The following MAP2K6 variants were observed in gnomAD, a reference collection of about 807,000 sequenced individuals.
The protein encoded by MAP2K6 is mitogen-activated protein kinase kinase 6, also known as dual specificity mitogen-activated protein kinase kinase 6.
In MAP2K6, 16 loss-of-function variants were observed where a neutral mutation model predicts 53.7. The observed-to-expected ratio is 0.30, with a 90% CI of 0.20 to 0.45. MAP2K6 has a LOEUF of 0.45. Among genes scored for constraint, MAP2K6 ranks in the 20% least tolerant of loss-of-function variants. The pLI is 1.00. For missense variants in MAP2K6, 204 were observed against 411.9 expected (o/e 0.50, Z 4.37); for synonymous variants, 132 against 143.1 (o/e 0.92, Z 0.55).
At chr17:69,437,649 A>G (rs1906691501) in intron 1 of MAP2K6, among the ~76,000 whole-genome samples, 1 of 152,202 alleles carries the variant, frequency 6.6e-6, no homozygotes, top group Admixed American at 6.5e-5. Flanking sequence ...TTTATTCACA[A>G]GGTTGTGCAA....
rs373177836 is a variant in MAP2K6 at position 69,494,698 on chromosome 17, G to A, written c.17-11082G>A. 6.6e-6 allele frequency among the ~76,000 whole-genome samples: 1 copy of A among 151,550 alleles called. No homozygotes were observed. Among genetic ancestry groups the A allele is most frequent in the African/African-American group, 2.4e-5 (1 of 41,230 alleles). The stretch of plus-strand genomic sequence containing the variant: ...GGAGTTTCCTTTGGTTAAAAGGGAG[G>A]TGATCAGAGTGCTATTAAAATTGTG... On this transcript the variant is annotated intron_variant, in intron 1 of 11. Coordinates refer to ENST00000590474, the MANE Select transcript of MAP2K6 (RefSeq NM_002758.4). This position sits in a 1 kb window ranked among gnomAD's most constrained non-coding sequence, Gnocchi z 4.2.
At chr17:69,498,629 CCACA>C (rs112844153) in intron 1 of MAP2K6, among the ~76,000 whole-genome samples, 1 of 146,210 alleles carries the variant, frequency 6.8e-6, no homozygotes, top group Non-Finnish European at 1.5e-5. Flanking sequence ...CGCCTGGAAG[CCACA>C]CACACACACC....
chr17:69,501,617 T>A (rs1222570327), intron 1 of MAP2K6: 1 of 152,204 alleles, frequency 6.6e-6, no homozygotes, highest in African/African-American at 2.4e-5. Context: ...ATTACACTAT[T>A]TTCAGAGAAC....
At chr17:69,523,421 A>G (rs1238422394) in intron 7 of MAP2K6, 93 bp from the exon 8 acceptor site, 2 of 1,528,244 alleles carry the variant, frequency 1.3e-6, no homozygotes, top group African/African-American at 2.7e-5. Context: ...AGGAAGATGA[A>G]GGACAAATGG....
intron 11 of MAP2K6, among the ~76,000 whole-genome samples, chr17:69,536,678 T>G (rs1019204028): frequency 6.6e-6 from 1 of 152,226 alleles, no homozygotes; most frequent in South Asian, 2.1e-4. Context: ...TAAATTATAC[T>G]CCCTCAGCAT....
intron 2 of MAP2K6, among the ~76,000 whole-genome samples, chr17:69,516,295 A>G (rs1206399025): frequency 6.6e-6 from 1 of 151,970 alleles, no homozygotes; most frequent in Non-Finnish European, 1.5e-5. Flanking sequence ...TGCACAACAT[A>G]TATCCCTTGT....
In MAP2K6 at chr17:69,494,999, C is replaced by CT. The variant is rs1470156490; in HGVS notation, c.17-10780dup. Among the ~76,000 whole-genome samples the CT allele has an allele frequency of 6.6e-6, 1 of 150,864 alleles. No individual in the cohort carries two copies. The highest frequency in any genetic ancestry group is 1.5e-5 in the Non-Finnish European group (1 of 67,824). On this transcript the variant is annotated intron_variant, in intron 1 of 11. Coordinates refer to ENST00000590474, the MANE Select transcript of MAP2K6 (RefSeq NM_002758.4). This position sits in a 1 kb window ranked among gnomAD's most constrained non-coding sequence, Gnocchi z 4.2. ...CAGCCTGGGCAACAAGAGCGAAACT[C>CT]TGTCTAGAAAAAAAACCAAAAACCA...
At chr17:69,477,921 G>A (rs1908208826) in intron 1 of MAP2K6, among the ~76,000 whole-genome samples, 1 of 152,158 alleles carries the variant, frequency 6.6e-6, no homozygotes, top group Non-Finnish European at 1.5e-5. Context: ...CATAGGAAGA[G>A]GGCATTGGAC....
intron 1 of MAP2K6, among the ~76,000 whole-genome samples, chr17:69,486,189 G>A (rs1908529758): frequency 6.6e-6 from 1 of 152,176 alleles, no homozygotes; most frequent in Non-Finnish European, 1.5e-5. Flanking sequence ...GGTACTTGAA[G>A]CCCAACGACT....
chr17:69,504,632 A>G (rs1909363997), intron 1 of MAP2K6: 2 of 152,368 alleles, frequency 1.3e-5, no homozygotes, highest in East Asian at 3.8e-4. Context: ...TCCCCTGCCA[A>G]GTGCAAAGAG....
At chr17:69,517,726 A>G (rs1910238652) in intron 4 of MAP2K6, 113 bp downstream of exon 4, 14 of 557,492 alleles carry the variant, frequency 2.5e-5, no homozygotes, top group Non-Finnish European at 2.9e-6. Flanking sequence ...AGGGTAAAAC[A>G]GAAAAGATTA....
chr17:69,453,930 G>A (rs1387292608), intron 1 of MAP2K6, among the ~76,000 whole-genome samples: 3 of 152,098 alleles, frequency 2.0e-5, no homozygotes, highest in East Asian at 1.9e-4. Context: ...TGAGAATCAC[G>A]TCCTTGGATT....
rs771857889 is a variant in MAP2K6, at chr17:69,504,282, CT to C, written c.17-1487del. Among the ~76,000 whole-genome samples, 110 of 144,658 alleles carry C rather than the reference CT, an allele frequency of 7.6e-4. No homozygotes were observed. The Middle Eastern group carries it at 0.011, about 14-fold the overall frequency. 94.9% of individuals were successfully genotyped at this position (144,658 alleles called of 152,430 possible). ...AAAGGAGGTAGGATTCTTTTTTTTT[CT>C]TTTTTTTTTTGAGACAGAGTCTTGC... On this transcript the variant is annotated intron_variant, in intron 1 of 11. Transcript: ENST00000590474.
At chr17:69,509,912 G>A (rs1220462952) in intron 2 of MAP2K6, among the ~76,000 whole-genome samples, 1 of 152,058 alleles carries the variant, frequency 6.6e-6, no homozygotes, top group Non-Finnish European at 1.5e-5. Flanking sequence ...TGTGATCATG[G>A]CTCACTGCAG....
intron 1 of MAP2K6, chr17:69,433,861 G>A (rs1189245885): frequency 6.6e-6 from 1 of 152,164 alleles, no homozygotes; most frequent in African/African-American, 2.4e-5. Flanking sequence ...GGGATGTAGG[G>A]GTCACCTAGC....
chr17:69,445,715 T>C (rs1906947139), intron 1 of MAP2K6, among the ~76,000 whole-genome samples: 1 of 152,180 alleles, frequency 6.6e-6, no homozygotes, highest in Admixed American at 6.5e-5. Context: ...TGGGTAACAA[T>C]GAATTGTTTC....
chr17:69,478,571 T>G (rs1229910845), intron 1 of MAP2K6, among the ~76,000 whole-genome samples: 1 of 152,228 alleles, frequency 6.6e-6, no homozygotes, highest in Non-Finnish European at 1.5e-5. Context: ...TAGCTGGGAT[T>G]GCAGGCGACT....
intron 1 of MAP2K6, among the ~76,000 whole-genome samples, chr17:69,490,198 T>C (rs1908689294): frequency 6.6e-6 from 1 of 152,200 alleles, no homozygotes; most frequent in Non-Finnish European, 1.5e-5. Flanking sequence ...TCCTCCAAGA[T>C]GGCGTTGAGT....
rs1912151731 is a variant in MAP2K6, at chr17:69,552,762, A to G, written c.*11009A>G. The G allele has an allele frequency of 6.6e-6, 1 of 152,160 alleles. No individual in the cohort carries two copies. The highest frequency in any genetic ancestry group is 6.5e-5 in the Admixed American group (1 of 15,284). The allele number at this position is 152,160 out of a possible 1,614,324, so 9.4% of individuals were successfully genotyped here. On this transcript the variant is annotated 3_prime_UTR_variant, in exon 12 of 12. Transcript: ENST00000590474. ...TAAAATACCTGTTTTGTGGGACAGCATGCCTTTGTTTTCTTTGCCTGTTGG... is the reference window on the plus strand; with the variant it reads ...TAAAATACCTGTTTTGTGGGACAGCGTGCCTTTGTTTTCTTTGCCTGTTGG...
Sources: gnomAD v4.1 joint callset for allele counts (sites outside exome capture counted in the v4.1 genomes callset) on GRCh38, gnomAD v4.1.1 for gene constraint, Gnocchi (gnomAD v3.1) non-coding constraint, MANE v1.5 for transcripts, NCBI Gene and HGNC (gene_info 2026-07-23, HGNC 2026-07-21) for gene names.